The following PTGR1 variants were observed in gnomAD, a reference collection of about 807,000 sequenced individuals.
PTGR1 encodes prostaglandin reductase 1.
Under a neutral mutation model 37.7 loss-of-function variants are expected in PTGR1, and 23 were observed. That is an observed-to-expected ratio of 0.61 (90% confidence interval 0.44 to 0.86). PTGR1 has a LOEUF of 0.86. Ranked by LOEUF, PTGR1 falls within the 40% of genes least tolerant of loss-of-function variation. The probability of loss-of-function intolerance (pLI) is 0.00; values close to 1 mark genes in which losing one functional copy is unlikely to be tolerated. For missense variants in PTGR1, 351 were observed against 394.3 expected, an observed-to-expected ratio of 0.89 and a Z score of 0.93; for synonymous variants, 134 against 140.0, an observed-to-expected ratio of 0.96 and a Z score of 0.30.
intron 9 of PTGR1, chr9:111,569,820 G>A: frequency 2.2e-6 from 1 of 450,080 alleles, no homozygotes; most frequent in Non-Finnish European, 4.1e-6. Context: ...GACAGTGAGT[G>A]TAGACAGCAC....
downstream of PTGR1, among the ~76,000 whole-genome samples, chr9:111,561,104 T>TAGAGAGAGAGAGAG (rs1465441902): frequency 7.2e-4 from 19 of 26,380 alleles, no homozygotes; most frequent in Non-Finnish European, 1.0e-3. Context: ...TATATATATA[T>TAGAGAGAGAGAGAG]ATATATAGAG....
chr9:111,590,218 AAAG>A (rs1829569993), intron 4 of PTGR1, among the ~76,000 whole-genome samples: 1 of 152,226 alleles, frequency 6.6e-6, no homozygotes. Flanking sequence ...TAACTTACAA[AAAG>A]AAGGTCAACA....
chr9:111,587,599 G>A (rs1056188689), intron 4 of PTGR1, among the ~76,000 whole-genome samples: 4 of 152,018 alleles, frequency 2.6e-5, no homozygotes, highest in African/African-American at 7.3e-5. Context: ...ATACAGGCGC[G>A]TGCCACTACG....
chr9:111,563,346 G>C (rs908424257), intron 9 of PTGR1, 115 bp from the exon 10 acceptor site: 1 of 1,061,258 alleles, frequency 9.4e-7, no homozygotes, highest in Admixed American at 2.7e-5. Flanking sequence ...GAAAATAAGA[G>C]ATGGAAGTCC....
At chr9:111,567,041 A>G (rs902537999) in intron 9 of PTGR1, among the ~76,000 whole-genome samples, 12 of 151,528 alleles carry the variant, frequency 7.9e-5, no homozygotes, top group African/African-American at 2.9e-4. Flanking sequence ...AGCCATGATC[A>G]CGGCACTGCA....
chr9:111,560,058 G>A (rs771543766), downstream of PTGR1, among the ~76,000 whole-genome samples: 1 of 151,968 alleles, frequency 6.6e-6, no homozygotes, highest in Admixed American at 6.6e-5. Flanking sequence ...TCTTCTGGCC[G>A]GGCATGGTGG....
chr9:111,552,499 GACTTA>G (rs879322206), intron 9 of PTGR1, among the ~76,000 whole-genome samples: 15 of 152,178 alleles, frequency 9.9e-5, no homozygotes, highest in African/African-American at 2.7e-4. Context: ...ATGGTCTTTT[GACTTA>G]ACTTAGCTGG....
At chr9:111,565,082 C>T (rs1435253763) in intron 9 of PTGR1, among the ~76,000 whole-genome samples, 1 of 152,048 alleles carries the variant, frequency 6.6e-6, no homozygotes, top group Non-Finnish European at 1.5e-5. Flanking sequence ...GGAGATCGCA[C>T]CATTGCACCC....
chr9:111,566,736 G>A (rs1401962551), intron 9 of PTGR1, among the ~76,000 whole-genome samples: 3 of 152,150 alleles, frequency 2.0e-5, no homozygotes, highest in Non-Finnish European at 4.4e-5. Context: ...CTGGGGGCTG[G>A]AGATACACCA....
At chr9:111,574,918 T>C in intron 7 of PTGR1, 76 bp from the exon 8 acceptor site, 1 of 1,176,126 alleles carries the variant, frequency 8.5e-7, no homozygotes, top group Non-Finnish European at 1.2e-6. Flanking sequence ...GTCACAAGCA[T>C]TATTTTACAA....
Position 111,590,385 on chromosome 9 carries a change from G to A in PTGR1, c.209+2541C>T, listed in dbSNP as rs573898110. ...CATACATTTTTTTTTTTGAGACCAA[G>A]TCTCACTCTGTTGCCCAGGCTGGAC... On this transcript the variant is annotated intron_variant, in intron 4 of 9. Coordinates refer to ENST00000407693, the MANE Select transcript of PTGR1 (RefSeq NM_001146108.2). Among the ~76,000 whole-genome samples the A allele has an allele frequency of 6.6e-5, 10 of 151,874 alleles. No individual in the cohort carries two copies. In the East Asian group the frequency reaches 1.9e-3, roughly 29 times the overall value.
chr9:111,595,697 G>A (rs1004615576), intron 2 of PTGR1, among the ~76,000 whole-genome samples: 4 of 151,926 alleles, frequency 2.6e-5, no homozygotes, highest in African/African-American at 7.3e-5. Context: ...GCAGTGGCGC[G>A]ATCTTGGCTC....
intron 9 of PTGR1, among the ~76,000 whole-genome samples, chr9:111,565,743 T>C (rs1215216888): frequency 6.6e-6 from 1 of 152,124 alleles, no homozygotes; most frequent in African/African-American, 2.4e-5. Flanking sequence ...AGGGCTGGTC[T>C]TGGACTCCTG....
chr9:111,585,434 G>A (rs1450699308), intron 5 of PTGR1, among the ~76,000 whole-genome samples: 1 of 152,178 alleles, frequency 6.6e-6, no homozygotes, highest in African/African-American at 2.4e-5. Flanking sequence ...TACAGGGCAG[G>A]CAGGAAAGAA....
intron 3 of PTGR1, among the ~76,000 whole-genome samples, chr9:111,593,326 C>T (rs918550232): frequency 1.6e-4 from 24 of 152,126 alleles, no homozygotes; most frequent in Non-Finnish European, 1.3e-4. Context: ...GTAGTTATTA[C>T]CCAAAACACT....
downstream of PTGR1, among the ~76,000 whole-genome samples, chr9:111,557,746 G>A (rs1177004954): frequency 6.6e-6 from 1 of 152,164 alleles, no homozygotes; most frequent in Non-Finnish European, 1.5e-5. Flanking sequence ...TCTCATTATG[G>A]ATGATGTTAA....
intron 9 of PTGR1, among the ~76,000 whole-genome samples, chr9:111,552,617 G>A (rs1828002907): frequency 6.6e-6 from 1 of 152,108 alleles, no homozygotes; most frequent in African/African-American, 2.4e-5. Flanking sequence ...GAGCCTTTAG[G>A]CAATGAATTC....
At chr9:111,581,303 A>T (rs921327235) in intron 6 of PTGR1, among the ~76,000 whole-genome samples, 3 of 152,194 alleles carry the variant, frequency 2.0e-5, no homozygotes, top group African/African-American at 7.2e-5. Flanking sequence ...AACATATACC[A>T]TTCCTCATGA....
chr9:111,578,477 G>A (rs1829157021), intron 7 of PTGR1, among the ~76,000 whole-genome samples: 1 of 152,172 alleles, frequency 6.6e-6, no homozygotes, highest in African/African-American at 2.4e-5. Flanking sequence ...TCAGGCACCT[G>A]AGTAGTGCGA....
Sources: allele counts gnomAD v4.1 joint callset (sites outside exome capture counted in the v4.1 genomes callset), GRCh38; gene constraint gnomAD v4.1.1; transcripts MANE v1.5; gene names NCBI Gene and HGNC (gene_info 2026-07-23, HGNC 2026-07-21).